ARB2A: variants seen among roughly 807,000 people sequenced by gnomAD.
ARB2A encodes the protein ARB2 cotranscriptional regulator A.
chr5:93,998,181 T>C, the ARB2A span, among the ~76,000 whole-genome samples: 5 of 151,958 alleles, frequency 3.3e-5, no homozygotes, highest in Non-Finnish European at 5.9e-5. Context: ...CATGACATAA[T>C]AGCCAAACAT....
At chr5:94,108,245 T>G in the ARB2A span, among the ~76,000 whole-genome samples, 12,713 of 152,202 alleles carry the variant, frequency 0.084, 739 homozygotes, top group Middle Eastern at 0.16. Flanking sequence ...AGTCAGCCAT[T>G]TAATATACTC....
chr5:93,857,374 C>T, the ARB2A span, among the ~76,000 whole-genome samples: 1 of 152,188 alleles, frequency 6.6e-6, no homozygotes, highest in Non-Finnish European at 1.5e-5. Flanking sequence ...TTTGTCTGTG[C>T]CCTGCCCCCA....
the ARB2A span, among the ~76,000 whole-genome samples, chr5:94,073,696 C>A: frequency 6.6e-6 from 1 of 152,088 alleles, no homozygotes; most frequent in Non-Finnish European, 1.5e-5. Context: ...CTTGCCCTCA[C>A]TCCTAAATTG....
chr5:94,073,289 C>A, the ARB2A span, among the ~76,000 whole-genome samples: 88 of 152,182 alleles, frequency 5.8e-4, no homozygotes, highest in African/African-American at 2.0e-3. Flanking sequence ...AACCCTTACA[C>A]CCCCATTTGT....
the ARB2A span, among the ~76,000 whole-genome samples, chr5:94,024,423 T>A: frequency 6.6e-6 from 1 of 152,158 alleles, no homozygotes; most frequent in East Asian, 1.9e-4. Flanking sequence ...CATGAGCCAA[T>A]TCCTTAAAAT....
At chr5:93,969,645 A>T in the ARB2A span, among the ~76,000 whole-genome samples, 1 of 152,116 alleles carries the variant, frequency 6.6e-6, no homozygotes, top group East Asian at 1.9e-4. Flanking sequence ...AAACACAGAA[A>T]TAAGGAAAAT....
the ARB2A span, among the ~76,000 whole-genome samples, chr5:93,936,624 C>A: frequency 1.3e-5 from 2 of 151,992 alleles, no homozygotes; most frequent in Non-Finnish European, 1.5e-5. Flanking sequence ...ATGGCCACTG[C>A]CAAATGGTAA....
At chr5:93,857,631 C>T in the ARB2A span, among the ~76,000 whole-genome samples, 9 of 152,272 alleles carry the variant, frequency 5.9e-5, no homozygotes, top group South Asian at 2.1e-4. Flanking sequence ...ATTTTAAGCC[C>T]GTCGGAAAAG....
chr5:93,957,568 T>C, the ARB2A span, among the ~76,000 whole-genome samples: 1 of 152,078 alleles, frequency 6.6e-6, no homozygotes, highest in Non-Finnish European at 1.5e-5. Context: ...TACTAAAATA[T>C]ACACTGTCGA....
At chr5:93,628,052 ATTTTTTTTTTTT>A in the ARB2A span, among the ~76,000 whole-genome samples, 6 of 68,304 alleles carry the variant, frequency 8.8e-5, no homozygotes, top group Admixed American at 7.9e-4. Flanking sequence ...ATGTAGCATA[ATTTTTTTTTTTT>A]TTTTTTTTTT....
chr5:93,828,061 C>T, the ARB2A span, among the ~76,000 whole-genome samples: 1 of 152,102 alleles, frequency 6.6e-6, no homozygotes, highest in African/African-American at 2.4e-5. Context: ...ATAGGATTGA[C>T]TTGGCGATGT....
At chr5:93,653,655 G>T in the ARB2A span, among the ~76,000 whole-genome samples, 2 of 147,594 alleles carry the variant, frequency 1.4e-5, no homozygotes, top group African/African-American at 2.5e-5. Context: ...CCCAGCATTT[G>T]ACCAAGGAGT....
the ARB2A span, among the ~76,000 whole-genome samples, chr5:94,095,941 C>T: frequency 1.3e-5 from 2 of 152,246 alleles, no homozygotes; most frequent in South Asian, 2.1e-4. Context: ...GTCTTATCCC[C>T]GTTCAGCCAA....
At chr5:93,985,591 A>G in the ARB2A span, among the ~76,000 whole-genome samples, 4 of 151,856 alleles carry the variant, frequency 2.6e-5, no homozygotes, top group Non-Finnish European at 4.4e-5. Context: ...GCCTGACTGG[A>G]TTTTGTATTT....
At chr5:93,646,644 A>G in the ARB2A span, among the ~76,000 whole-genome samples, 8 of 152,210 alleles carry the variant, frequency 5.3e-5, no homozygotes, top group African/African-American at 1.9e-4. Flanking sequence ...TTCAAACATA[A>G]AGATTTTCTT....
At chr5:93,658,091 C>T in the ARB2A span, among the ~76,000 whole-genome samples, 1 of 152,094 alleles carries the variant, frequency 6.6e-6, no homozygotes, top group Non-Finnish European at 1.5e-5. Context: ...AGTTAGACTT[C>T]TTAATGTTTC....
At chr5:93,623,329 C>T in the ARB2A span, among the ~76,000 whole-genome samples, 1 of 151,670 alleles carries the variant, frequency 6.6e-6, no homozygotes, top group Admixed American at 6.6e-5. Flanking sequence ...TTTGGCATTT[C>T]CTCCATAGTG....
chr5:94,021,214 G>A, the ARB2A span, among the ~76,000 whole-genome samples: 8 of 152,098 alleles, frequency 5.3e-5, no homozygotes, highest in African/African-American at 9.7e-5. Context: ...TAATAAAATG[G>A]AAATGGTTTA....
chr5:93,773,126 A>G, the ARB2A span, among the ~76,000 whole-genome samples: 1 of 152,248 alleles, frequency 6.6e-6, no homozygotes, highest in Non-Finnish European at 1.5e-5. Context: ...GTGATCCACT[A>G]GTAGAGGTCT....
Sources: allele counts gnomAD v4.1 joint callset (sites outside exome capture counted in the v4.1 genomes callset), GRCh38; gene constraint gnomAD v4.1.1; transcripts MANE v1.5; gene names NCBI Gene and HGNC (gene_info 2026-07-23, HGNC 2026-07-21).